SCN1A: variants seen among roughly 807,000 people sequenced by gnomAD.
SCN1A encodes sodium channel protein type 1 subunit alpha.
SCN1A carries 13 observed loss-of-function variants against 193.7 expected under a neutral mutation model. The ratio of observed to expected loss-of-function variants is 0.07; its 90% confidence interval spans 0.04 to 0.11. The LOEUF (loss-of-function observed/expected upper bound fraction) is 0.11. Among genes scored for constraint, SCN1A ranks in the 10% least tolerant of loss-of-function variants. The probability of loss-of-function intolerance (pLI) is 1.00; values close to 1 mark genes in which losing one functional copy is unlikely to be tolerated. For synonymous variants in SCN1A, 781 were observed against 843.6 expected (o/e 0.93, Z 1.29); for missense variants, 1,432 against 2,451.1 (o/e 0.58, Z 8.78).
chr2:166,045,545 A>G (rs1697728275), intron 12 of SCN1A, among the ~76,000 whole-genome samples: 1 of 152,040 alleles, frequency 6.6e-6, no homozygotes, highest in Admixed American at 6.6e-5. Context: ...GGTAACATTT[A>G]TTATGTCTCT....
intron 2 of SCN1A, among the ~76,000 whole-genome samples, chr2:166,118,799 T>A (rs1408327563): frequency 6.6e-6 from 1 of 152,216 alleles, no homozygotes; most frequent in Non-Finnish European, 1.5e-5. Context: ...CCTCTATGAA[T>A]ATGTAATTGG....
chr2:166,118,217 A>T (rs1280689625), intron 2 of SCN1A, among the ~76,000 whole-genome samples: 2 of 146,230 alleles, frequency 1.4e-5, no homozygotes, highest in Non-Finnish European at 3.0e-5. Context: ...TCAAGATTCC[A>T]CTTTTTGCTA....
At chr2:166,047,084 T>A in intron 11 of SCN1A, 108 bp from the exon 12 acceptor site, 1 of 1,269,426 alleles carries the variant, frequency 7.9e-7, no homozygotes, top group Non-Finnish European at 1.1e-6. Flanking sequence ...AAATAGTAAT[T>A]ATGTTGGTCA....
chr2:166,146,564 C>A (rs7564814), intron 1 of SCN1A, among the ~76,000 whole-genome samples: 53,561 of 151,998 alleles, frequency 0.35, 9,731 homozygotes, highest in African/African-American at 0.42. Context: ...GAGGCAAGGA[C>A]CCTGCTCAAA....
At chr2:166,015,565 G>T in intron 20 of SCN1A, 42 bp downstream of exon 20, 3 of 1,609,662 alleles carry the variant, frequency 1.9e-6, no homozygotes, top group Non-Finnish European at 2.6e-6. Flanking sequence ...TAAACAAGCT[G>T]CACTCCAAAT....
chr2:166,120,373 G>GT (rs924078020), intron 2 of SCN1A, among the ~76,000 whole-genome samples: 16 of 149,376 alleles, frequency 1.1e-4, no homozygotes, highest in Admixed American at 4.7e-4. Context: ...AAACATGTTT[G>GT]TTTTTTTTCC....
intron 2 of SCN1A, among the ~76,000 whole-genome samples, chr2:166,098,211 C>A (rs1687609205): frequency 6.6e-6 from 1 of 151,854 alleles, no homozygotes; most frequent in Non-Finnish European, 1.5e-5. Context: ...AAGGTTGGTT[C>A]AACATATACA....
chr2:166,034,832 C>T (rs1261699027), intron 19 of SCN1A, among the ~76,000 whole-genome samples: 1 of 152,166 alleles, frequency 6.6e-6, no homozygotes, highest in Non-Finnish European at 1.5e-5. Context: ...AGTTCTCTCT[C>T]TTTCCATGTA....
chr2:166,104,980 T>C (rs1263606094), intron 2 of SCN1A, among the ~76,000 whole-genome samples: 1 of 152,186 alleles, frequency 6.6e-6, no homozygotes, highest in Admixed American at 6.5e-5. Context: ...AATGACGTAA[T>C]TTCTCAGCTT....
intron 15 of SCN1A, among the ~76,000 whole-genome samples, chr2:166,041,968 C>T (rs1194949520): frequency 1.3e-5 from 2 of 152,120 alleles, no homozygotes; most frequent in Non-Finnish European, 1.5e-5. Flanking sequence ...AAGGGCTGTA[C>T]TGCTGAAGTC....
chr2:166,118,891 A>G (rs1048018101), intron 2 of SCN1A, among the ~76,000 whole-genome samples: 2 of 152,202 alleles, frequency 1.3e-5, no homozygotes, highest in African/African-American at 4.8e-5. Context: ...ACAATAATCT[A>G]GATAAGGAGT....
At chr2:166,067,048 TA>T (rs1477166964) in intron 4 of SCN1A, among the ~76,000 whole-genome samples, 4 of 152,156 alleles carry the variant, frequency 2.6e-5, no homozygotes, top group African/African-American at 9.7e-5. Flanking sequence ...TCCTCCTTTT[TA>T]ACCTTCAGAT....
At position 166,048,928 on chromosome 2, in the gene SCN1A, C is replaced by T. The variant is rs779184118; in HGVS notation, c.986G>A (p.Gly329Asp). ...TCCACATAGTAGTGCATCTAAAAAA[C>T]CCTCCAGGAAATAATGATATCCTGT... ...QDSRYHYFLEGFLDALLCGNS... is the reference protein window; with the variant it reads ...QDSRYHYFLEDFLDALLCGNS... The change falls in exon 10 of 29, where the codon GGT (glycine) becomes GAT (aspartate). Residue 329 changes from glycine to aspartate, a missense_variant. Gly to Asp is a moderately conservative substitution (Grantham distance 94, BLOSUM62 -1). Around this residue, in one of 18 missense-constraint regions of SCN1A, gnomAD observed 52 missense variants for 59.6 expected, o/e 0.87. Transcript: ENST00000674923. 1 of 1,605,708 alleles carries T rather than the reference C, an allele frequency of 6.2e-7. No individual in the cohort carries two copies. The highest frequency in any genetic ancestry group is 1.1e-5 in the South Asian group (1 of 90,890).
intron 4 of SCN1A, among the ~76,000 whole-genome samples, chr2:166,061,690 T>G (rs1201778620): frequency 2.0e-5 from 3 of 152,160 alleles, no homozygotes; most frequent in Non-Finnish European, 2.9e-5. Context: ...TGTACAATTA[T>G]TACGTGTCAA....
At chr2:166,005,630 G>A (rs1691551617) in intron 23 of SCN1A, among the ~76,000 whole-genome samples, 1 of 151,450 alleles carries the variant, frequency 6.6e-6, no homozygotes, top group South Asian at 2.1e-4. Context: ...TCATATTTAT[G>A]ATGTATTAAA....
At chr2:166,138,961 C>A (rs1475152611) in intron 1 of SCN1A, among the ~76,000 whole-genome samples, 2 of 152,196 alleles carry the variant, frequency 1.3e-5, no homozygotes, top group Non-Finnish European at 2.9e-5. Context: ...AATCAAAGAT[C>A]ATTTTGGAGC....
At position 166,020,055 on chromosome 2, in the gene SCN1A, C is replaced by T. The variant is rs371851500; in HGVS notation, c.3430-4328G>A. On this transcript the variant is annotated intron_variant, in intron 19 of 28. Coordinates refer to ENST00000674923, the MANE Select transcript of SCN1A (RefSeq NM_001165963.4). Reference sequence around the variant, plus strand: ...CCTCCCAAGTAGCTGGGACTACAGGCGCCCGCCACCATGCCCGGCTAATTT... The same window carrying T: ...CCTCCCAAGTAGCTGGGACTACAGGTGCCCGCCACCATGCCCGGCTAATTT... Among the ~76,000 whole-genome samples, 98 of 152,018 alleles carry T rather than the reference C, an allele frequency of 6.4e-4. No individual in the cohort carries two copies. In the East Asian group the frequency reaches 0.016, roughly 25 times the overall value.
intron 17 of SCN1A, among the ~76,000 whole-genome samples, chr2:166,038,854 A>T (rs963909062): frequency 6.6e-6 from 1 of 152,190 alleles, no homozygotes; most frequent in Non-Finnish European, 1.5e-5. Context: ...AGGGGTATTC[A>T]TGTAGTTACA....
intron 4 of SCN1A, among the ~76,000 whole-genome samples, chr2:166,065,697 C>G (rs754554310): frequency 1.3e-5 from 2 of 152,092 alleles, no homozygotes; most frequent in African/African-American, 4.8e-5. Flanking sequence ...CGTGGGCCAC[C>G]AAGCTTTAAT....
Sources: gnomAD v4.1 joint callset for allele counts (sites outside exome capture counted in the v4.1 genomes callset) on GRCh38, gnomAD v4.1.1 for gene constraint, gnomAD v4.1.1 regional missense constraint, MANE v1.5 for transcripts, NCBI Gene and HGNC (gene_info 2026-07-23, HGNC 2026-07-21) for gene names.